Variants in RIMBP2 observed in about 807,000 individuals in gnomAD.
RIMBP2 encodes RIMS binding protein 2.
RIMBP2 carries 48 observed loss-of-function variants against 118.6 expected under a neutral mutation model. The ratio of observed to expected loss-of-function variants is 0.40; its 90% confidence interval spans 0.32 to 0.51. RIMBP2 has a LOEUF of 0.51. Among genes scored for constraint, RIMBP2 ranks in the 20% least tolerant of loss-of-function variants. RIMBP2 has a pLI of 0.41. For synonymous variants in RIMBP2, 762 were observed against 742.9 expected, an observed-to-expected ratio of 1.03 and a Z score of -0.42; for missense variants, 1,551 against 1,768.3, an observed-to-expected ratio of 0.88 and a Z score of 2.20.
intron 1 of RIMBP2, chr12:130,667,241 G>C (rs1025158062): frequency 4.6e-5 from 7 of 151,368 alleles, no homozygotes; most frequent in Non-Finnish European, 7.4e-5. Context: ...GAGGAAGAAA[G>C]GAAGGCAGGA....
intron 4 of RIMBP2, among the ~76,000 whole-genome samples, chr12:130,502,499 C>T (rs569599001): frequency 6.6e-6 from 1 of 152,144 alleles, no homozygotes; most frequent in East Asian, 1.9e-4. Context: ...ACATCCCAGG[C>T]CCTCTGCACT....
At chr12:130,528,102 C>T (rs2139270453) in intron 2 of RIMBP2, among the ~76,000 whole-genome samples, 1 of 152,268 alleles carries the variant, frequency 6.6e-6, no homozygotes, top group Non-Finnish European at 1.5e-5. Context: ...TGGTTATATA[C>T]CCAAAGAAAT....
chr12:130,406,306 A>G, intron 20 of RIMBP2, 63 bp from the exon 21 acceptor site: 1 of 1,116,310 alleles, frequency 9.0e-7, no homozygotes, highest in South Asian at 1.4e-5. Context: ...TTTTTTAAAA[A>G]TAAGTTCTCT....
intron 18 of RIMBP2, 29 bp from the exon 19 acceptor site, chr12:130,412,816 C>T: frequency 6.3e-7 from 1 of 1,592,936 alleles, no homozygotes; most frequent in Non-Finnish European, 8.6e-7. Flanking sequence ...ATAAATCAAG[C>T]ACTGTAATTG....
intron 2 of RIMBP2, among the ~76,000 whole-genome samples, chr12:130,544,301 C>T (rs1232438484): frequency 2.6e-5 from 4 of 152,208 alleles, no homozygotes; most frequent in African/African-American, 9.7e-5. Flanking sequence ...TTGTCTAGAG[C>T]TGTGTTTAAG....
chr12:130,507,847 G>A (rs570328190), intron 3 of RIMBP2, among the ~76,000 whole-genome samples: 1 of 152,114 alleles, frequency 6.6e-6, no homozygotes, highest in Non-Finnish European at 1.5e-5. Flanking sequence ...ACGCTTTTCA[G>A]CTGCAGAAGT....
rs553003241 is a variant in RIMBP2 at position 130,626,174 on chromosome 12, T to C, written c.-217+2148A>G. Among the ~76,000 whole-genome samples, 26 of 152,320 alleles carry C rather than the reference T, an allele frequency of 1.7e-4. No homozygotes were observed. In the South Asian group the frequency reaches 4.6e-3, roughly 27 times the overall value. On this transcript the variant is annotated intron_variant, in intron 2 of 22. Coordinates refer to ENST00000690449, the MANE Select transcript of RIMBP2 (RefSeq NM_001393629.1). The stretch of plus-strand genomic sequence containing the variant: ...ATGATTACCAAGTGTATATCCTACA[T>C]TGGAAAGAGTTAAGTTTCACATCAG...
chr12:130,536,619 T>C (rs1048274247), intron 2 of RIMBP2, among the ~76,000 whole-genome samples: 8 of 152,200 alleles, frequency 5.3e-5, no homozygotes, highest in African/African-American at 7.2e-5. Context: ...CCTTGGAGTA[T>C]AGAAGTTGTT....
intron 1 of RIMBP2, among the ~76,000 whole-genome samples, chr12:130,676,809 C>T (rs573140933): frequency 9.9e-5 from 15 of 152,158 alleles, no homozygotes; most frequent in Admixed American, 9.2e-4. Context: ...ATGTGGCCTG[C>T]AGGGAGAGGC....
At chr12:130,592,511 A>G (rs1030886809) in intron 2 of RIMBP2, among the ~76,000 whole-genome samples, 28 of 152,112 alleles carry the variant, frequency 1.8e-4, no homozygotes, top group Admixed American at 1.8e-3. Flanking sequence ...CAAGATGGTG[A>G]AACCCCATCT....
chr12:130,457,136 G>A (rs1423084700), intron 6 of RIMBP2, among the ~76,000 whole-genome samples: 3 of 152,164 alleles, frequency 2.0e-5, no homozygotes, highest in Non-Finnish European at 2.9e-5. Context: ...GCTGTGATGC[G>A]GCCCAGACTC....
rs77892527 is a variant in RIMBP2 at position 130,622,235 on chromosome 12, C to T, written c.-217+6087G>A. On this transcript the variant is annotated intron_variant, in intron 2 of 22. Transcript: ENST00000690449. The surrounding 1 kb of genome is among the most constrained non-coding windows in gnomAD (Gnocchi z 8.5). ...AGGGCCTGTGGCTGACTGGAGCAGA[C>T]GTGAAGCCCCCACAAGGCTGCATAG... Among the ~76,000 whole-genome samples the T allele has an allele frequency of 6.3e-3, 959 of 152,226 alleles. 8 individuals are homozygous for T. Among genetic ancestry groups the T allele is most frequent in the African/African-American group, 0.015 (628 of 41,542 alleles).
chr12:130,624,971 C>T (rs561923600), intron 2 of RIMBP2, among the ~76,000 whole-genome samples: 1 of 152,302 alleles, frequency 6.6e-6, no homozygotes, highest in African/African-American at 2.4e-5. Flanking sequence ...GATCCGCCCA[C>T]GTCGGCCTCC....
intron 1 of RIMBP2, among the ~76,000 whole-genome samples, chr12:130,662,675 G>T (rs1402755905): frequency 1.3e-5 from 2 of 151,810 alleles, no homozygotes; most frequent in African/African-American, 2.4e-5. Flanking sequence ...ATCTGGATAG[G>T]CTGGGCACAG....
chr12:130,577,581 G>A (rs1012214566), intron 2 of RIMBP2, among the ~76,000 whole-genome samples: 10 of 152,148 alleles, frequency 6.6e-5, no homozygotes, highest in Non-Finnish European at 1.5e-4. Context: ...ACAGCATGGG[G>A]GAAACTGCCC....
At position 130,456,661 on chromosome 12, in the gene RIMBP2, T is replaced by C. The variant is rs1339129318; in HGVS notation, c.193A>G (p.Ser65Gly). 6.2e-7 allele frequency: 1 copy of C among 1,610,856 alleles called. No homozygotes were observed. ...RELEEKCRTQSEQFNLLSRDL... is the reference protein window; with the variant it reads ...RELEEKCRTQGEQFNLLSRDL... ...CGGGACAGCAGGTTGAACTGCTCACTTTGAGTCCGGCATTTCTCTTCCAGC... is the reference window on the plus strand; with the variant it reads ...CGGGACAGCAGGTTGAACTGCTCACCTTGAGTCCGGCATTTCTCTTCCAGC... Residue 65 changes from serine to glycine, a missense_variant, in exon 7 of 23, where the codon AGT becomes GGT. Physicochemically the swap from Ser to Gly is moderately conservative, Grantham distance 56. Around this residue, in one of 5 missense-constraint regions of RIMBP2, gnomAD observed 239 missense variants for 256.8 expected, o/e 0.93. Coordinates refer to ENST00000690449, the MANE Select transcript of RIMBP2 (RefSeq NM_001393629.1).
At position 130,631,847 on chromosome 12, in the gene RIMBP2, A is replaced by G. The variant is rs372087231; in HGVS notation, c.-351-3391T>C. 4.1e-4 allele frequency among the ~76,000 whole-genome samples: 63 copies of G among 152,328 alleles called. No individual in the cohort carries two copies. In the South Asian group the frequency reaches 0.013, roughly 31 times the overall value. On this transcript the variant is annotated intron_variant, in intron 1 of 22. Coordinates refer to ENST00000690449, the MANE Select transcript of RIMBP2 (RefSeq NM_001393629.1). ...TTATACACTTAATTTTTCAAATTACATGCATGCACTTTCAAGTTATAAACT... is the reference window on the plus strand; with the variant it reads ...TTATACACTTAATTTTTCAAATTACGTGCATGCACTTTCAAGTTATAAACT...
At chr12:130,425,142 G>A (rs1474800506) in intron 15 of RIMBP2, 3 of 320,604 alleles carry the variant, frequency 9.4e-6, no homozygotes, top group East Asian at 9.6e-5. Flanking sequence ...GAGGGCAGGT[G>A]AGATCCCGGC....
chr12:130,645,847 A>C (rs1190408304), intron 1 of RIMBP2, among the ~76,000 whole-genome samples: 2 of 152,152 alleles, frequency 1.3e-5, no homozygotes, highest in Non-Finnish European at 2.9e-5. Flanking sequence ...TTACCAACAG[A>C]AATCTGAAAC....
Sources: allele counts gnomAD v4.1 joint callset (sites outside exome capture counted in the v4.1 genomes callset), GRCh38; gene constraint gnomAD v4.1.1; regional missense constraint gnomAD v4.1.1; non-coding constraint Gnocchi (gnomAD v3.1); transcripts MANE v1.5; gene names NCBI Gene and HGNC (gene_info 2026-07-23, HGNC 2026-07-21).